The following IFNAR2 variants were observed in gnomAD, a reference collection of about 807,000 sequenced individuals.
The protein encoded by IFNAR2 is interferon alpha/beta receptor 2.
A neutral mutation model predicts 49.4 loss-of-function variants in IFNAR2; 30 were observed. The observed-to-expected ratio is 0.61, with a 90% CI of 0.45 to 0.82. The LOEUF is 0.82. Ranked by LOEUF, IFNAR2 falls within the 40% of genes least tolerant of loss-of-function variation. The pLI is 0.00. For missense variants in IFNAR2, 600 were observed against 622.7 expected, an observed-to-expected ratio of 0.96 and a Z score of 0.39; for synonymous variants, 224 against 234.5, an observed-to-expected ratio of 0.96 and a Z score of 0.41.
Position 33,265,192 on chromosome 21 carries a change from G to T in IFNAR2, c.*1692G>T, listed in dbSNP as rs917845606. 1.3e-5 allele frequency: 2 copies of T among 152,196 alleles called. No individual in the cohort carries two copies. The highest frequency in any genetic ancestry group is 2.4e-5 in the African/African-American group (1 of 41,436). 9.4% of individuals were successfully genotyped at this position (152,196 alleles called of 1,614,324 possible). ...CAAGATCCTAGGAACCCAGGAGAAA[G>T]ATGAGAAAATGTACAAGAATGAACA... is the stretch of plus-strand genomic sequence containing the variant. On this transcript the variant is annotated 3_prime_UTR_variant, in exon 9 of 9. Transcript: ENST00000342136.
chr21:33,238,703 A>G (rs913195110), intron 1 of IFNAR2, among the ~76,000 whole-genome samples: 5 of 152,034 alleles, frequency 3.3e-5, no homozygotes, highest in African/African-American at 1.2e-4. Context: ...AGCACAAGCA[A>G]CTCAAAGGGC....
chr21:33,250,451 T>A (rs960257593), intron 6 of IFNAR2, among the ~76,000 whole-genome samples: 1 of 152,210 alleles, frequency 6.6e-6, no homozygotes, highest in Non-Finnish European at 1.5e-5. Flanking sequence ...TAGTATAATC[T>A]AAGCAACAGA....
chr21:33,230,683 G>T lies in IFNAR2; in HGVS notation c.-84+467G>T. 2.3e-6 allele frequency: 1 copy of T among 442,632 alleles called. No individual in the cohort carries two copies. Among genetic ancestry groups the T allele is most frequent in the Non-Finnish European group, 4.7e-6 (1 of 213,588 alleles). The allele number at this position is 442,632 out of a possible 1,614,324, so 27.4% of individuals were successfully genotyped here. A position where few individuals can be genotyped will look rare whatever the true frequency, so the allele number is the denominator to read the frequency against. ...GCCCCCTTGAGGTCCCCTGGGATTA[G>T]CCCCCCTCGACCTGCGTCAGGGTCA... On this transcript the variant is annotated intron_variant, in intron 1 of 8. Transcript: ENST00000342136. This position sits in a 1 kb window ranked among gnomAD's most constrained non-coding sequence, Gnocchi z 5.5.
At chr21:33,257,564 T>C (rs552742131) in intron 7 of IFNAR2, among the ~76,000 whole-genome samples, 2 of 148,132 alleles carry the variant, frequency 1.4e-5, no homozygotes, top group South Asian at 4.2e-4. Flanking sequence ...AGAGCGCTGA[T>C]TGGTGCGTTT....
chr21:33,234,183 CTGTGTGTGTGTGTG>C (rs61686449), intron 1 of IFNAR2, among the ~76,000 whole-genome samples: 9 of 140,798 alleles, frequency 6.4e-5, no homozygotes, highest in African/African-American at 2.1e-4. Flanking sequence ...AACAGAAACA[CTGTGTGTGTGTGTG>C]TGTGTGTGTG....
chr21:33,240,360 A>G (rs1417091848), intron 1 of IFNAR2, among the ~76,000 whole-genome samples: 2 of 152,234 alleles, frequency 1.3e-5, no homozygotes, highest in Non-Finnish European at 2.9e-5. Context: ...ACAATAGTCT[A>G]TACCATATAA....
intron 2 of IFNAR2, 141 bp from the exon 3 acceptor site, chr21:33,243,532 A>G (rs1987152298): frequency 5.5e-6 from 4 of 723,960 alleles, no homozygotes; most frequent in Non-Finnish European, 9.9e-6. Context: ...AAAACCATCT[A>G]TGTGGGCATT....
intron 6 of IFNAR2, among the ~76,000 whole-genome samples, chr21:33,250,682 C>T (rs1448125553): frequency 6.6e-6 from 1 of 152,084 alleles, no homozygotes; most frequent in Non-Finnish European, 1.5e-5. Context: ...GGATTACAGG[C>T]ACCCGCCAGC....
Position 33,241,896 on chromosome 21 carries a change from CAAGAG to C in IFNAR2, c.-22_-18del. ...TAATGTTGATTTCAGATGTAAAAGT[CAAGAG>C]AAGACTCTAAAAATAGCAAAGATGC... is the stretch of plus-strand genomic sequence containing the variant. On this transcript the variant is annotated 5_prime_UTR_variant, in exon 2 of 9. An upstream open reading frame in the 5' UTR loses its in-frame stop. Transcript: ENST00000342136. The C allele has an allele frequency of 6.2e-7, 1 of 1,608,852 alleles. No individual in the cohort carries two copies. The highest frequency in any genetic ancestry group is 8.5e-7 in the Non-Finnish European group (1 of 1,176,014).
chr21:33,243,182 G>A (rs902913621), intron 2 of IFNAR2, among the ~76,000 whole-genome samples: 27 of 151,190 alleles, frequency 1.8e-4, no homozygotes, highest in Admixed American at 1.1e-3. Flanking sequence ...TCCTGGGTTC[G>A]AGCTATTCTC....
At position 33,260,737 on chromosome 21, in the gene IFNAR2, T is replaced by C. The variant is rs949178140; in HGVS notation, c.840+10T>C. On this transcript the variant is annotated intron_variant, in intron 8 of 8. Coordinates refer to ENST00000342136, the MANE Select transcript of IFNAR2 (RefSeq NM_001289125.3). Reference sequence around the variant, plus strand: ...CCTCCCCAAAGTCTTGGTAGGTAGTTTTTTTGTTTTGTTTTGTTTTTTCTA... The same window carrying C: ...CCTCCCCAAAGTCTTGGTAGGTAGTCTTTTTGTTTTGTTTTGTTTTTTCTA... 1.3e-6 allele frequency: 2 copies of C among 1,482,722 alleles called. No individual in the cohort carries two copies. The highest frequency in any genetic ancestry group is 2.9e-5 in the African/African-American group (2 of 69,306). The allele number at this position is 1,482,722 out of a possible 1,614,324, so 91.8% of individuals were successfully genotyped here.
At chr21:33,246,987 C>A in intron 5 of IFNAR2, 97 bp downstream of exon 5, 1 of 1,050,064 alleles carries the variant, frequency 9.5e-7, no homozygotes, top group Non-Finnish European at 1.4e-6. Context: ...GTGTTTTAGA[C>A]CTGGGGCTGG....
chr21:33,262,505 TC>T lies in IFNAR2; in HGVS notation c.841-287del, dbSNP rs578220100. The T allele has an allele frequency of 2.9e-3, 1,989 of 679,260 alleles. 12 individuals are homozygous for T. The highest frequency in any genetic ancestry group is 0.017 in the Middle Eastern group (46 of 2,644). 42.1% of individuals were successfully genotyped at this position (679,260 alleles called of 1,614,324 possible). A position where few individuals can be genotyped will look rare whatever the true frequency, so the allele number is the denominator to read the frequency against. On this transcript the variant is annotated intron_variant, in intron 8 of 8. Transcript: ENST00000342136. ...CTGTTAGCTGTTATTATTGCTGTCA[TC>T]ATCATCAACTGCATCATCATTCAAT... is the stretch of plus-strand genomic sequence containing the variant.
intron 6 of IFNAR2, among the ~76,000 whole-genome samples, chr21:33,250,584 C>T (rs1040825981): frequency 6.6e-6 from 1 of 152,178 alleles, no homozygotes; most frequent in African/African-American, 2.4e-5. Context: ...GTTGCCCAGG[C>T]TGGACTGAAA....
At chr21:33,250,223 T>TA (rs1245427943) in intron 6 of IFNAR2, among the ~76,000 whole-genome samples, 3 of 152,218 alleles carry the variant, frequency 2.0e-5, no homozygotes, top group African/African-American at 7.2e-5. Flanking sequence ...TTATGTGGCC[T>TA]AAGGACTATG....
In IFNAR2 at chr21:33,262,944, G is replaced by C; in HGVS notation, c.992G>C (p.Arg331Thr). 1 of 1,614,208 alleles carries C rather than the reference G, an allele frequency of 6.2e-7. No homozygotes were observed. The highest frequency in any genetic ancestry group is 8.5e-7 in the Non-Finnish European group (1 of 1,180,030). The change falls in exon 9 of 9, where the codon AGG becomes ACG. Residue 331 changes from arginine (R) to threonine (T), a missense_variant. Coordinates refer to ENST00000342136, the MANE Select transcript of IFNAR2 (RefSeq NM_001289125.3). ...ESDSDTEAAP[R>T]TSGGGYTMHG... ...GATAGCGATACTGAGGCAGCGCCCA[G>C]GACAAGTGGCGGTGGCTATACCATG...
chr21:33,263,609 G>A lies in IFNAR2; in HGVS notation c.*109G>A. Reference sequence around the variant, plus strand: ...TGCAAGTGTTCTCCAAGGGAAGGAGGAGGAAACTGTGGTGTTCCTTTCTTC... The same window carrying A: ...TGCAAGTGTTCTCCAAGGGAAGGAGAAGGAAACTGTGGTGTTCCTTTCTTC... On this transcript the variant is annotated 3_prime_UTR_variant, in exon 9 of 9. Coordinates refer to ENST00000342136, the MANE Select transcript of IFNAR2 (RefSeq NM_001289125.3). 9.5e-7 allele frequency: 1 copy of A among 1,051,488 alleles called. No individual in the cohort carries two copies. 65.1% of individuals were successfully genotyped at this position (1,051,488 alleles called of 1,614,324 possible).
intron 3 of IFNAR2, among the ~76,000 whole-genome samples, chr21:33,244,056 C>T (rs909226802): frequency 6.6e-6 from 1 of 152,098 alleles, no homozygotes; most frequent in Non-Finnish European, 1.5e-5. Context: ...ATTCTTCCAC[C>T]CTGATGATTC....
intron 6 of IFNAR2, among the ~76,000 whole-genome samples, chr21:33,251,113 G>T (rs1987806820): frequency 6.6e-6 from 1 of 152,110 alleles, no homozygotes; most frequent in South Asian, 2.1e-4. Flanking sequence ...AGGTCACCTG[G>T]GAATAGACAC....
Sources: allele counts gnomAD v4.1 joint callset (sites outside exome capture counted in the v4.1 genomes callset), GRCh38; gene constraint gnomAD v4.1.1; non-coding constraint Gnocchi (gnomAD v3.1); transcripts MANE v1.5; gene names NCBI Gene and HGNC (gene_info 2026-07-23, HGNC 2026-07-21).